SCHIP1: variants seen among roughly 807,000 people sequenced by gnomAD.
The protein encoded by SCHIP1 is schwannomin-interacting protein 1.
Under a neutral mutation model 29.7 loss-of-function variants are expected in SCHIP1, and 8 were observed. That is an observed-to-expected ratio of 0.27 (90% CI 0.16 to 0.49). SCHIP1 has a LOEUF of 0.49. Ranked by LOEUF, SCHIP1 falls within the 20% of genes least tolerant of loss-of-function variation. The probability of loss-of-function intolerance (pLI) is 0.99; values close to 1 mark genes in which losing one functional copy is unlikely to be tolerated. For synonymous variants in SCHIP1, 76 were observed against 94.9 expected (o/e 0.80, Z 1.16); for missense variants, 193 against 294.6 (o/e 0.66, Z 2.52).
the SCHIP1 span, among the ~76,000 whole-genome samples, chr3:159,372,622 T>C: frequency 6.6e-6 from 1 of 152,128 alleles, no homozygotes; most frequent in African/African-American, 2.4e-5. Context: ...CAGCAAATTA[T>C]GCTTTGCAGA....
At chr3:159,641,154 G>C in the SCHIP1 span, among the ~76,000 whole-genome samples, 4 of 152,132 alleles carry the variant, frequency 2.6e-5, no homozygotes, top group Non-Finnish European at 5.9e-5. Context: ...CATTCAATAG[G>C]TGTTGAATCT....
chr3:159,892,282 C>T, intron 6 of SCHIP1, 92 bp downstream of exon 7: 1 of 1,431,262 alleles, frequency 7.0e-7, no homozygotes, highest in Non-Finnish European at 9.7e-7. Flanking sequence ...AGAACTTCTT[C>T]CTCTACTTCC....
the SCHIP1 span, among the ~76,000 whole-genome samples, chr3:159,626,148 A>C: frequency 2.9e-4 from 33 of 114,046 alleles, no homozygotes; most frequent in African/African-American, 1.5e-3. Flanking sequence ...ATATATCTAG[A>C]TATATATATA....
the SCHIP1 span, among the ~76,000 whole-genome samples, chr3:159,677,312 C>T: frequency 6.6e-6 from 1 of 152,148 alleles, no homozygotes; most frequent in Admixed American, 6.5e-5. Context: ...CAAGGAGTGG[C>T]CAGTGGAGGG....
the SCHIP1 span, among the ~76,000 whole-genome samples, chr3:159,828,049 TATATA>T: frequency 6.6e-6 from 1 of 151,798 alleles, no homozygotes; most frequent in South Asian, 2.1e-4. Flanking sequence ...CCCAATGCTA[TATATA>T]ATATATTATT....
the SCHIP1 span, among the ~76,000 whole-genome samples, chr3:159,326,882 C>T: frequency 1.3e-5 from 2 of 152,168 alleles, no homozygotes; most frequent in Non-Finnish European, 2.9e-5. Flanking sequence ...AGGCACCAAG[C>T]AGATCCAGAT....
chr3:159,575,115 G>C, the SCHIP1 span, among the ~76,000 whole-genome samples: 1 of 152,302 alleles, frequency 6.6e-6, no homozygotes, highest in Non-Finnish European at 1.5e-5. Flanking sequence ...TGCACCCACT[G>C]TCCAACCAGT....
At chr3:159,509,073 A>G in the SCHIP1 span, among the ~76,000 whole-genome samples, 1 of 152,118 alleles carries the variant, frequency 6.6e-6, no homozygotes, top group Admixed American at 6.5e-5. Context: ...TGGGGTGTTA[A>G]AGTCTCCCAT....
At chr3:159,694,588 GAAA>G in the SCHIP1 span, among the ~76,000 whole-genome samples, 31 of 145,240 alleles carry the variant, frequency 2.1e-4, no homozygotes, top group South Asian at 2.4e-3. Flanking sequence ...AAGAAAGAAA[GAAA>G]GAAAGAAAGA....
the SCHIP1 span, among the ~76,000 whole-genome samples, chr3:159,788,460 G>C: frequency 2.0e-5 from 3 of 152,146 alleles, no homozygotes; most frequent in Non-Finnish European, 4.4e-5. Context: ...ATTAAATACA[G>C]AGACACTCAA....
the SCHIP1 span, among the ~76,000 whole-genome samples, chr3:159,623,790 A>G: frequency 5.8e-5 from 8 of 137,216 alleles, no homozygotes; most frequent in African/African-American, 3.0e-4. Flanking sequence ...AGTGTACCCC[A>G]TAAAACCCTA....
At chr3:159,724,285 C>G in the SCHIP1 span, among the ~76,000 whole-genome samples, 1 of 152,002 alleles carries the variant, frequency 6.6e-6, no homozygotes, top group African/African-American at 2.4e-5. Flanking sequence ...TAATCCTGAT[C>G]AGGACCTTTT....
chr3:159,500,146 G>GTTT, the SCHIP1 span, among the ~76,000 whole-genome samples: 10 of 146,866 alleles, frequency 6.8e-5, no homozygotes, highest in African/African-American at 2.5e-4. Flanking sequence ...TTGTTTTTTT[G>GTTT]TTTTTTTTTT....
At chr3:159,656,025 A>G in the SCHIP1 span, among the ~76,000 whole-genome samples, 1 of 152,208 alleles carries the variant, frequency 6.6e-6, no homozygotes, top group African/African-American at 2.4e-5. Flanking sequence ...AGCAAAGAGA[A>G]CAGCAGTCCC....
At chr3:159,476,212 A>G in the SCHIP1 span, among the ~76,000 whole-genome samples, 3 of 152,142 alleles carry the variant, frequency 2.0e-5, no homozygotes, top group Non-Finnish European at 4.4e-5. Flanking sequence ...GAGAATACAA[A>G]ATGTTTAACG....
At chr3:159,290,756 G>A in the SCHIP1 span, among the ~76,000 whole-genome samples, 7 of 152,024 alleles carry the variant, frequency 4.6e-5, no homozygotes, top group East Asian at 1.2e-3. Context: ...AGTGATATTG[G>A]CATTACTATA....
chr3:159,417,348 C>T, the SCHIP1 span, among the ~76,000 whole-genome samples: 36 of 152,262 alleles, frequency 2.4e-4, no homozygotes, highest in Admixed American at 2.2e-3. Context: ...CGCAATCACT[C>T]GGGATCTCAT....
chr3:159,752,187 C>A, the SCHIP1 span, among the ~76,000 whole-genome samples: 1 of 152,082 alleles, frequency 6.6e-6, no homozygotes, highest in Non-Finnish European at 1.5e-5. Context: ...GCCAAATAAA[C>A]CTCTTTTCTT....
At chr3:159,491,190 C>T in the SCHIP1 span, among the ~76,000 whole-genome samples, 10 of 152,250 alleles carry the variant, frequency 6.6e-5, no homozygotes, top group East Asian at 3.9e-4. Flanking sequence ...ACACAGAAAA[C>T]GGGTAATTTC....
Sources: gnomAD v4.1 joint callset for allele counts (sites outside exome capture counted in the v4.1 genomes callset) on GRCh38, gnomAD v4.1.1 for gene constraint, MANE v1.5 for transcripts, NCBI Gene and HGNC (gene_info 2026-07-23, HGNC 2026-07-21) for gene names.